The following CDK13 variants were observed in gnomAD, a reference collection of about 807,000 sequenced individuals.
CDK13 encodes cyclin dependent kinase 13.
Under a neutral mutation model 137.6 loss-of-function variants are expected in CDK13, and 40 were observed. The observed-to-expected ratio is 0.29, with a 90% confidence interval of 0.23 to 0.38. CDK13 has a LOEUF of 0.38. Ranked by LOEUF, CDK13 falls within the 10% of genes least tolerant of loss-of-function variation. CDK13 has a pLI of 1.00. For missense variants in CDK13, 1,704 were observed against 1,951.8 expected (o/e 0.87, Z 2.39); for synonymous variants, 869 against 760.1 (o/e 1.14, Z -2.36).
chr7:40,027,352 CACAA>C lies in CDK13; in HGVS notation c.2354-18474_2354-18471del, dbSNP rs534088448. Among the ~76,000 whole-genome samples, 32 of 152,230 alleles carry C rather than the reference CACAA, an allele frequency of 2.1e-4. No homozygotes were observed. The South Asian group carries it at 2.9e-3, about 14-fold the overall frequency. ...AGTGAGACTCTGTCTCACACAAACA[CACAA>C]ACAAACAAAAAAACTTTTATTTAAC... On this transcript the variant is annotated intron_variant, in intron 5 of 13. Transcript: ENST00000181839.
chr7:39,984,573 G>T (rs1489982648), intron 1 of CDK13: 1 of 151,976 alleles, frequency 6.6e-6, no homozygotes, highest in African/African-American at 2.4e-5. Context: ...GTCATGTCAG[G>T]GTAAATGGGG....
chr7:40,089,108 A>T (rs1283812576), intron 12 of CDK13, among the ~76,000 whole-genome samples: 4 of 149,422 alleles, frequency 2.7e-5, no homozygotes, highest in Non-Finnish European at 5.9e-5. Context: ...TGTGTGAGTG[A>T]ATCTGATATT....
In CDK13 at chr7:39,951,227, C is replaced by G. The variant is rs1787172611; in HGVS notation, c.586C>G (p.Arg196Gly). 3.9e-6 allele frequency: 5 copies of G among 1,277,870 alleles called. No homozygotes were observed. In the South Asian group the frequency reaches 1.3e-4, roughly 34 times the overall value. 79.2% of individuals were successfully genotyped at this position (1,277,870 alleles called of 1,614,324 possible). Residue 196 changes from arginine to glycine, a missense_variant, in exon 1 of 14, where the codon CGC becomes GGC. By Grantham distance (125) the Arg-to-Gly change is moderately radical. This residue lies in a region of CDK13 where 1,051 missense variants were observed against 931.0 expected (regional missense o/e 1.13). Transcript: ENST00000181839. ...CCAGCGGCGCGGGGAGGGGTCGGAG[C>G]GCAGGCCCCGCCGGGACCGCCGCAG... ...GTQRRGEGSERRPRRDRRSSS... is the reference protein window; with the variant it reads ...GTQRRGEGSEGRPRRDRRSSS...
intron 7 of CDK13, among the ~76,000 whole-genome samples, chr7:40,049,444 T>C (rs1785831299): frequency 6.6e-6 from 1 of 151,506 alleles, no homozygotes; most frequent in Non-Finnish European, 1.5e-5. Context: ...GTTTTAAAGC[T>C]CAAAAGCTAT....
chr7:40,033,786 G>A lies in CDK13; in HGVS notation c.2354-12050G>A, dbSNP rs1477774934. Among the ~76,000 whole-genome samples, 4 of 152,282 alleles carry A rather than the reference G, an allele frequency of 2.6e-5. No homozygotes were observed. The East Asian group carries it at 7.7e-4, about 29-fold the overall frequency. Reference sequence around the variant, plus strand: ...TCTATAGCCTAAAGATTTGTTCTCAGTCTTTTAGTGAACCTGTGTCCCTGG... The same window carrying A: ...TCTATAGCCTAAAGATTTGTTCTCAATCTTTTAGTGAACCTGTGTCCCTGG... On this transcript the variant is annotated intron_variant, in intron 5 of 13. Coordinates refer to ENST00000181839, the MANE Select transcript of CDK13 (RefSeq NM_003718.5).
At chr7:40,077,876 TAAC>T (rs1786580317) in intron 9 of CDK13, 126 bp from the exon 10 acceptor site, 1 of 520,064 alleles carries the variant, frequency 1.9e-6, no homozygotes, top group Non-Finnish European at 3.4e-6. Context: ...AAGAATAAAA[TAAC>T]AAAAGTTTTT....
chr7:40,029,589 G>A lies in CDK13; in HGVS notation c.2354-16247G>A, dbSNP rs370619456. On this transcript the variant is annotated intron_variant, in intron 5 of 13. Transcript: ENST00000181839. Reference sequence around the variant, plus strand: ...ACAAAAATTAGCTGGGCGTGATGGCGCGCGCCTGTAGTTTCAGTTTCTCGG... The same window carrying A: ...ACAAAAATTAGCTGGGCGTGATGGCACGCGCCTGTAGTTTCAGTTTCTCGG... 4.4e-4 allele frequency among the ~76,000 whole-genome samples: 67 copies of A among 152,036 alleles called. 1 individual carries two copies. In the South Asian group the frequency reaches 0.012, roughly 26 times the overall value.
intron 5 of CDK13, among the ~76,000 whole-genome samples, chr7:40,038,773 G>C (rs971845872): frequency 3.9e-5 from 6 of 152,108 alleles, no homozygotes; most frequent in African/African-American, 1.4e-4. Flanking sequence ...TTGGCTTACC[G>C]CAGCCTCTGC....
At chr7:40,007,213 C>T (rs181590198) in intron 5 of CDK13, among the ~76,000 whole-genome samples, 269 of 152,244 alleles carry the variant, frequency 1.8e-3, no homozygotes, top group Non-Finnish European at 2.8e-3. Flanking sequence ...AATTTGAGCA[C>T]TCTAGTGTGG....
chr7:40,051,361 A>G (rs1364409784), intron 7 of CDK13, among the ~76,000 whole-genome samples: 4 of 152,002 alleles, frequency 2.6e-5, no homozygotes, highest in Non-Finnish European at 4.4e-5. Flanking sequence ...ATGTTGCTCT[A>G]GTGAACCTTA....
At chr7:40,026,952 C>T (rs1332438404) in intron 5 of CDK13, among the ~76,000 whole-genome samples, 3 of 152,238 alleles carry the variant, frequency 2.0e-5, no homozygotes, top group Non-Finnish European at 2.9e-5. Flanking sequence ...GGAGATGATT[C>T]GCACCTTTCT....
At chr7:40,010,117 C>T (rs565858196) in intron 5 of CDK13, among the ~76,000 whole-genome samples, 26 of 152,042 alleles carry the variant, frequency 1.7e-4, no homozygotes, top group Non-Finnish European at 2.8e-4. Flanking sequence ...TTATTATTAT[C>T]GTAATATAAT....
At chr7:39,973,729 C>A (rs1024410532) in intron 1 of CDK13, among the ~76,000 whole-genome samples, 1 of 152,168 alleles carries the variant, frequency 6.6e-6, no homozygotes, top group South Asian at 2.1e-4. Context: ...AGTTATAGCT[C>A]CTACTTTGAT....
intron 9 of CDK13, among the ~76,000 whole-genome samples, chr7:40,074,034 T>A (rs549038589): frequency 7.8e-4 from 119 of 151,952 alleles, no homozygotes; most frequent in African/African-American, 2.7e-3. Context: ...CCCAAGTAGC[T>A]GGGATTACAG....
At chr7:39,994,936 T>G (rs934462652) in intron 2 of CDK13, among the ~76,000 whole-genome samples, 5 of 151,974 alleles carry the variant, frequency 3.3e-5, no homozygotes, top group Non-Finnish European at 5.9e-5. Flanking sequence ...TTCCTTGAAT[T>G]TTTTTTGGAA....
At chr7:39,974,556 C>T (rs1337296765) in intron 1 of CDK13, among the ~76,000 whole-genome samples, 3 of 132,980 alleles carry the variant, frequency 2.3e-5, no homozygotes, top group Admixed American at 7.4e-5. Context: ...TTCTTTTTTT[C>T]TTTTTTTTTT....
At chr7:40,017,247 G>T (rs1464801683) in intron 5 of CDK13, among the ~76,000 whole-genome samples, 1 of 152,038 alleles carries the variant, frequency 6.6e-6, no homozygotes, top group Non-Finnish European at 1.5e-5. Flanking sequence ...TCTTCCAACA[G>T]TGCTTTACCA....
intron 5 of CDK13, among the ~76,000 whole-genome samples, chr7:40,023,118 A>C (rs2150498307): frequency 6.8e-6 from 1 of 147,458 alleles, no homozygotes; most frequent in East Asian, 2.0e-4. Flanking sequence ...TTTGAGACAG[A>C]GTCTTACTCT....
At chr7:40,033,711 A>T (rs949755560) in intron 5 of CDK13, among the ~76,000 whole-genome samples, 1 of 152,210 alleles carries the variant, frequency 6.6e-6, no homozygotes, top group Non-Finnish European at 1.5e-5. Flanking sequence ...TCCACTTAGT[A>T]TACAGGAGCC....
Sources: allele counts gnomAD v4.1 joint callset (sites outside exome capture counted in the v4.1 genomes callset), GRCh38; gene constraint gnomAD v4.1.1; regional missense constraint gnomAD v4.1.1; transcripts MANE v1.5; gene names NCBI Gene and HGNC (gene_info 2026-07-23, HGNC 2026-07-21).